Variants in ALK observed in about 807,000 individuals in gnomAD.
The protein encoded by ALK is ALK receptor tyrosine kinase, also known as ALK tyrosine kinase receptor.
ALK carries 74 observed loss-of-function variants against 163.1 expected under a neutral mutation model. The observed-to-expected ratio is 0.45, with a 90% CI of 0.38 to 0.55. The LOEUF is 0.55. ALK is among the 20% of genes least tolerant of loss of function. The probability of loss-of-function intolerance (pLI) is 0.00; values close to 1 mark genes in which losing one functional copy is unlikely to be tolerated. For missense variants in ALK, 2,063 were observed against 2,105.3 expected (o/e 0.98, Z 0.39); for synonymous variants, 960 against 843.2 (o/e 1.14, Z -2.40).
Position 29,402,729 on chromosome 2 carries a change from T to C in ALK, c.1155-18870A>G, listed in dbSNP as rs932441553. Reference sequence around the variant, plus strand: ...AGTCTAGGACAATGGTGGTACCTTGTACTGGTCTGGCAGGTGCAGGGAATC... The same window carrying C: ...AGTCTAGGACAATGGTGGTACCTTGCACTGGTCTGGCAGGTGCAGGGAATC... On this transcript the variant is annotated intron_variant, in intron 4 of 28. Coordinates refer to ENST00000389048, the MANE Select transcript of ALK (RefSeq NM_004304.5). 3.3e-5 allele frequency among the ~76,000 whole-genome samples: 5 copies of C among 152,182 alleles called. No individual in the cohort carries two copies. In the South Asian group the frequency reaches 6.2e-4, roughly 19 times the overall value.
At chr2:29,392,966 T>C (rs1444631759) in intron 4 of ALK, among the ~76,000 whole-genome samples, 1 of 23,758 alleles carries the variant, frequency 4.2e-5, no homozygotes, top group African/African-American at 1.2e-4. Context: ...TTACTGTGTT[T>C]AAGATCACTC....
At position 29,233,764 on chromosome 2, in the gene ALK, C is replaced by T; in HGVS notation, c.2356-68G>A. ...GTTCTCCACTTTGCAGCAGACAGAA[C>T]TTCTATGCTTAAAAACAGGATCTGA... On this transcript the variant is annotated intron_variant, in intron 13 of 28. Coordinates refer to ENST00000389048, the MANE Select transcript of ALK (RefSeq NM_004304.5). 3.7e-6 allele frequency: 6 copies of T among 1,604,396 alleles called. 1 individual carries two copies. In the South Asian group the frequency reaches 5.5e-5, roughly 15 times the overall value.
At chr2:29,220,939 T>C in intron 22 of ALK, 104 bp from the exon 23 acceptor site, 1 of 1,497,740 alleles carries the variant, frequency 6.7e-7, no homozygotes. Context: ...GCAGCTACAA[T>C]GTATAAAGGC....
intron 3 of ALK, among the ~76,000 whole-genome samples, chr2:29,563,271 T>A (rs879921749): frequency 6.6e-6 from 1 of 152,186 alleles, no homozygotes; most frequent in African/African-American, 2.4e-5. Flanking sequence ...CAGCAGGGTT[T>A]ACTTGGATTA....
intron 4 of ALK, among the ~76,000 whole-genome samples, chr2:29,440,468 C>T (rs1304189004): frequency 2.6e-5 from 4 of 151,954 alleles, no homozygotes; most frequent in African/African-American, 9.7e-5. Flanking sequence ...AGGCATCTGC[C>T]ACCACACCCA....
At chr2:29,297,268 T>C (rs1666218232) in intron 8 of ALK, among the ~76,000 whole-genome samples, 1 of 152,078 alleles carries the variant, frequency 6.6e-6, no homozygotes. Flanking sequence ...AATCTGTTAA[T>C]TTTTTTTCTT....
At chr2:29,197,477 C>T (rs557363915) in intron 27 of ALK, 65 bp downstream of exon 27, 4 of 1,605,918 alleles carry the variant, frequency 2.5e-6, no homozygotes, top group East Asian at 2.2e-5. Flanking sequence ...ATATGTGGCT[C>T]TGGATATTTT....
At chr2:29,557,589 G>T (rs7593610) in intron 3 of ALK, among the ~76,000 whole-genome samples, 1 of 152,060 alleles carries the variant, frequency 6.6e-6, no homozygotes. Flanking sequence ...CTACATGAAT[G>T]CATTCTCTTT....
chr2:29,263,329 C>G (rs1665135385), intron 11 of ALK, among the ~76,000 whole-genome samples: 2 of 152,186 alleles, frequency 1.3e-5, no homozygotes, highest in South Asian at 4.1e-4. Context: ...GCCCCTCACT[C>G]TATTCTAAGT....
intron 3 of ALK, among the ~76,000 whole-genome samples, chr2:29,576,394 T>C (rs548627659): frequency 4.6e-5 from 7 of 152,302 alleles, no homozygotes; most frequent in African/African-American, 1.4e-4. Context: ...CCTACCACCA[T>C]GCACACTGCC....
intron 3 of ALK, among the ~76,000 whole-genome samples, chr2:29,583,114 G>A (rs1357735322): frequency 6.7e-6 from 1 of 148,406 alleles, no homozygotes; most frequent in Non-Finnish European, 1.5e-5. Flanking sequence ...CCTAACCTCA[G>A]GTGATCCACC....
intron 1 of ALK, among the ~76,000 whole-genome samples, chr2:29,783,369 A>G (rs185047512): frequency 0.016 from 2,491 of 152,308 alleles, 41 homozygotes; most frequent in South Asian, 0.049. Flanking sequence ...TTGCTGTAGG[A>G]CCAAGAAAAG....
intron 1 of ALK, among the ~76,000 whole-genome samples, chr2:29,826,168 A>T (rs1305661431): frequency 6.6e-6 from 1 of 152,162 alleles, no homozygotes; most frequent in African/African-American, 2.4e-5. Flanking sequence ...GGAAGGACAC[A>T]TAGACCTGAG....
At chr2:29,559,334 C>T (rs767657435) in intron 3 of ALK, among the ~76,000 whole-genome samples, 6 of 152,198 alleles carry the variant, frequency 3.9e-5, no homozygotes, top group Non-Finnish European at 5.9e-5. Flanking sequence ...GACCAAGCAT[C>T]TTGGGATCTG....
At chr2:29,296,445 T>C (rs1214804126) in intron 9 of ALK, among the ~76,000 whole-genome samples, 1 of 152,234 alleles carries the variant, frequency 6.6e-6, no homozygotes, top group East Asian at 1.9e-4. Flanking sequence ...TGGTAAATGA[T>C]GATAAGGCCT....
chr2:29,632,434 GATA>G (rs1676405803), intron 3 of ALK, among the ~76,000 whole-genome samples: 1 of 152,102 alleles, frequency 6.6e-6, no homozygotes, highest in Non-Finnish European at 1.5e-5. Flanking sequence ...AAATTTAAGA[GATA>G]AGATTAAATT....
At chr2:29,561,730 C>T (rs184438018) in intron 3 of ALK, among the ~76,000 whole-genome samples, 9 of 152,140 alleles carry the variant, frequency 5.9e-5, no homozygotes, top group Admixed American at 3.3e-4. Context: ...AAATATCATA[C>T]GATATGTTTA....
Position 29,588,890 on chromosome 2 carries a change from T to C in ALK, c.953-56774A>G, listed in dbSNP as rs147940884. On this transcript the variant is annotated intron_variant, in intron 3 of 28. Transcript: ENST00000389048. ...CTTAACTTGCGGGCCAGACAAGGCC[T>C]GCAAATTGTAGCTGCCTTGTGCTGT... is the stretch of plus-strand genomic sequence containing the variant. 8.7e-3 allele frequency among the ~76,000 whole-genome samples: 1,323 copies of C among 152,360 alleles called. 24 individuals carry two copies. Among genetic ancestry groups the C allele is most frequent in the African/African-American group, 0.029 (1,220 of 41,580 alleles).
At chr2:29,321,724 G>A (rs1460803492) in intron 6 of ALK, among the ~76,000 whole-genome samples, 4 of 151,684 alleles carry the variant, frequency 2.6e-5, no homozygotes, top group South Asian at 2.1e-4. Context: ...CTCATTGGAC[G>A]GGTACTGTAA....
Sources: gnomAD v4.1 joint callset for allele counts (sites outside exome capture counted in the v4.1 genomes callset) on GRCh38, gnomAD v4.1.1 for gene constraint, MANE v1.5 for transcripts, NCBI Gene and HGNC (gene_info 2026-07-23, HGNC 2026-07-21) for gene names.